UNC5A: variants seen among roughly 807,000 people sequenced by gnomAD.
The protein encoded by UNC5A is netrin receptor UNC5A.
UNC5A carries 20 observed loss-of-function variants against 87.4 expected under a neutral mutation model. That is an observed-to-expected ratio of 0.23 (90% CI 0.16 to 0.33). UNC5A has a LOEUF of 0.33. Ranked by LOEUF, UNC5A falls within the 10% of genes least tolerant of loss-of-function variation. The probability of loss-of-function intolerance (pLI) is 1.00; values close to 1 mark genes in which losing one functional copy is unlikely to be tolerated. For missense variants in UNC5A, 844 were observed against 1,133.4 expected, an observed-to-expected ratio of 0.74 and a Z score of 3.67; for synonymous variants, 438 against 482.3, an observed-to-expected ratio of 0.91 and a Z score of 1.20.
rs182691904 is a variant in UNC5A at position 176,857,097 on chromosome 5, G to A, written c.71-5527G>A. Among the ~76,000 whole-genome samples, 7 of 152,278 alleles carry A rather than the reference G, an allele frequency of 4.6e-5. No homozygotes were observed. The East Asian group carries it at 1.4e-3, about 29-fold the overall frequency. On this transcript the variant is annotated intron_variant, in intron 1 of 14. Coordinates refer to ENST00000329542, the MANE Select transcript of UNC5A (RefSeq NM_133369.3). The stretch of plus-strand genomic sequence containing the variant: ...GCACCTGCCTGAGCCCCGCTCCCTC[G>A]AGAGCCCTCTCACCCGCCCCTTTCT...
intron 1 of UNC5A, among the ~76,000 whole-genome samples, chr5:176,831,255 G>GTT (rs1757016530): frequency 6.6e-6 from 1 of 152,180 alleles, no homozygotes; most frequent in Non-Finnish European, 1.5e-5. Flanking sequence ...AATCTTTCAT[G>GTT]TTAATGGACT....
chr5:176,848,247 G>A lies in UNC5A; in HGVS notation c.71-14377G>A, dbSNP rs1241426879. On this transcript the variant is annotated intron_variant, in intron 1 of 14. Transcript: ENST00000329542. The surrounding 1 kb of genome is among the most constrained non-coding windows in gnomAD (Gnocchi z 5.8). ...ACATCCTTTAGGGACCCTTGGGGAG[G>A]GGGTACCCCAGCTTCTCTCTCCCCT... Among the ~76,000 whole-genome samples the A allele has an allele frequency of 2.0e-5, 3 of 152,038 alleles. No individual in the cohort carries two copies. The highest frequency in any genetic ancestry group is 4.4e-5 in the Non-Finnish European group (3 of 67,990).
At position 176,824,573 on chromosome 5, in the gene UNC5A, AAGAG is replaced by A. The variant is rs1182840981; in HGVS notation, c.70+13759_70+13762del. On this transcript the variant is annotated intron_variant, in intron 1 of 14. Transcript: ENST00000329542. The surrounding 1 kb of genome is among the most constrained non-coding windows in gnomAD (Gnocchi z 4.2). ...GAACATTCTAAAAAAAAAAGAGAGA[AAGAG>A]AGAGAATTCACATAAAAATCCAAAT... 2.0e-5 allele frequency among the ~76,000 whole-genome samples: 3 copies of A among 151,844 alleles called. No homozygotes were observed. The highest frequency in any genetic ancestry group is 3.9e-4 in the East Asian group (2 of 5,172).
intron 1 of UNC5A, among the ~76,000 whole-genome samples, chr5:176,830,710 GTGTGTGCTGGCATGTA>G (rs1319205194): frequency 7.7e-6 from 1 of 129,690 alleles, no homozygotes; most frequent in Non-Finnish European, 1.7e-5. Flanking sequence ...ACTGGCGCGT[GTGTGTGCTGGCATGTA>G]TGTGTGGGTG....
chr5:176,847,191 T>C (rs978615512), intron 1 of UNC5A, among the ~76,000 whole-genome samples: 3 of 152,306 alleles, frequency 2.0e-5, no homozygotes, highest in Non-Finnish European at 4.4e-5. Context: ...AGCCAGGCCC[T>C]GGTGGTCTTC....
At chr5:176,878,219 G>A (rs770083113) in intron 11 of UNC5A, 25 bp from the exon 12 acceptor site, 7 of 1,607,648 alleles carry the variant, frequency 4.4e-6, no homozygotes, top group Non-Finnish European at 5.9e-6. Context: ...GGAGGGGCCT[G>A]GGCTGACCAC....
Position 176,874,390 on chromosome 5 carries a change from G to T in UNC5A, c.1202G>T (p.Ser401Ile). 1 of 1,613,628 alleles carries T rather than the reference G, an allele frequency of 6.2e-7. No homozygotes were observed. Residue 401 changes from serine to isoleucine, a missense_variant, in exon 8 of 15, where the codon AGC becomes ATC. This residue lies in a region of UNC5A where 353 missense variants were observed against 387.5 expected (regional missense o/e 0.91). Transcript: ENST00000329542. The surrounding 1 kb of genome is among the most constrained non-coding windows in gnomAD (Gnocchi z 7.6). ...CAGCTCACCAATGGGCACCTGCTCA[G>T]CCCCCTGGGTGGCGGCCGCCACACA... ...KFQLTNGHLLSPLGGGRHTLH... is the reference protein window; with the variant it reads ...KFQLTNGHLLIPLGGGRHTLH...
Position 176,877,886 on chromosome 5 carries a change from GCCC to G in UNC5A, c.1636-7_1636-5del. On this transcript the variant is annotated splice_polypyrimidine_tract_variant and splice_region_variant and intron_variant, in intron 10 of 14. Coordinates refer to ENST00000329542, the MANE Select transcript of UNC5A (RefSeq NM_133369.3). ...GGGCCGAATTGACCCACTGACCCCT[GCCC>G]ACAGGATGTGCTGCACCTGGGCGAG... is the stretch of plus-strand genomic sequence containing the variant. 1 of 1,596,576 alleles carries G rather than the reference GCCC, an allele frequency of 6.3e-7. No homozygotes were observed. The highest frequency in any genetic ancestry group is 8.5e-7 in the Non-Finnish European group (1 of 1,175,800).
chr5:176,853,643 C>T (rs1757599231), intron 1 of UNC5A, among the ~76,000 whole-genome samples: 1 of 152,214 alleles, frequency 6.6e-6, no homozygotes, highest in Non-Finnish European at 1.5e-5. Flanking sequence ...GAGCAGCCCT[C>T]CCTTCCAAGG....
chr5:176,821,704 G>A (rs1756731838), intron 1 of UNC5A, among the ~76,000 whole-genome samples: 1 of 152,234 alleles, frequency 6.6e-6, no homozygotes, highest in Non-Finnish European at 1.5e-5. Context: ...GTGATTGGCT[G>A]TCCTGAGCCA....
At chr5:176,849,013 C>T (rs1757479887) in intron 1 of UNC5A, among the ~76,000 whole-genome samples, 1 of 152,162 alleles carries the variant, frequency 6.6e-6, no homozygotes, top group African/African-American at 2.4e-5. Flanking sequence ...GGAGGGTTCC[C>T]AGGAATGAGG....
At chr5:176,877,112 A>G in intron 8 of UNC5A, 80 bp from the exon 9 acceptor site, 1 of 1,177,326 alleles carries the variant, frequency 8.5e-7, no homozygotes, top group Non-Finnish European at 1.2e-6. Flanking sequence ...CCTCACAGGA[A>G]GGCTCCTGGA....
chr5:176,832,843 C>A (rs1757061250), intron 1 of UNC5A, among the ~76,000 whole-genome samples: 2 of 152,202 alleles, frequency 1.3e-5, no homozygotes, highest in African/African-American at 4.8e-5. Flanking sequence ...CAAATGAGGA[C>A]TCCAGATGAT....
chr5:176,846,022 C>CTGG, intron 1 of UNC5A, among the ~76,000 whole-genome samples: 1 of 152,330 alleles, frequency 6.6e-6, no homozygotes, highest in East Asian at 1.9e-4. Flanking sequence ...GGAAGGCCCA[C>CTGG]ATTCAGCAGG....
chr5:176,811,440 C>CT (rs1408131274), intron 1 of UNC5A, among the ~76,000 whole-genome samples: 3 of 152,230 alleles, frequency 2.0e-5, no homozygotes, highest in Non-Finnish European at 2.9e-5. Context: ...GTGGCCGGGG[C>CT]TGTGGCTCCT....
chr5:176,879,891 G>A lies in UNC5A; in HGVS notation c.*5G>A, dbSNP rs377412921. 1.9e-5 allele frequency: 31 copies of A among 1,608,906 alleles called. No individual in the cohort carries two copies. Among genetic ancestry groups the A allele is most frequent in the South Asian group, 8.8e-5 (8 of 90,828 alleles). ...GTGTCGGAGGCTGAGTGCTGAGGCC[G>A]GCCAGGCCCGACACCTACACTCTCA... On this transcript the variant is annotated 3_prime_UTR_variant, in exon 15 of 15. Coordinates refer to ENST00000329542, the MANE Select transcript of UNC5A (RefSeq NM_133369.3).
chr5:176,873,678 C>A (rs944002789), intron 6 of UNC5A, among the ~76,000 whole-genome samples: 1 of 152,196 alleles, frequency 6.6e-6, no homozygotes, highest in African/African-American at 2.4e-5. Context: ...AGGTTATCCG[C>A]TCTGGGGAAG....
At chr5:176,864,863 G>A (rs1395549714) in intron 2 of UNC5A, 2 of 455,782 alleles carry the variant, frequency 4.4e-6, no homozygotes, top group East Asian at 1.4e-4. Flanking sequence ...CAGAACCCTG[G>A]GCACCAACAC....
Position 176,868,606 on chromosome 5 carries a change from C to A in UNC5A, c.482C>A (p.Ser161Tyr). The A allele has an allele frequency of 6.2e-7, 1 of 1,607,400 alleles. No individual in the cohort carries two copies. The highest frequency in any genetic ancestry group is 8.5e-7 in the Non-Finnish European group (1 of 1,177,614). ...CAGGAGCCGCTGGCCAAGGAGGTGTCCCTGGAGCAGGGCATCGTGCTGCCC... is the reference window on the plus strand; with the variant it reads ...CAGGAGCCGCTGGCCAAGGAGGTGTACCTGGAGCAGGGCATCGTGCTGCCC... ...FEQEPLAKEV[S>Y]LEQGIVLPCR... The change falls in exon 4 of 15, where the codon TCC becomes TAC. Residue 161 changes from serine to tyrosine, a missense_variant. Around this residue, in one of 3 missense-constraint regions of UNC5A, gnomAD observed 314 missense variants for 466.5 expected, o/e 0.67. Coordinates refer to ENST00000329542, the MANE Select transcript of UNC5A (RefSeq NM_133369.3).
Sources: gnomAD v4.1 joint callset for allele counts (sites outside exome capture counted in the v4.1 genomes callset) on GRCh38, gnomAD v4.1.1 for gene constraint, gnomAD v4.1.1 regional missense constraint, Gnocchi (gnomAD v3.1) non-coding constraint, MANE v1.5 for transcripts, NCBI Gene and HGNC (gene_info 2026-07-23, HGNC 2026-07-21) for gene names.